SYK: variants seen among roughly 807,000 people sequenced by gnomAD.
The protein encoded by SYK is tyrosine-protein kinase SYK.
A neutral mutation model predicts 77.8 loss-of-function variants in SYK; 16 were observed. The ratio of observed to expected loss-of-function variants is 0.21; its 90% CI spans 0.14 to 0.31. The LOEUF (loss-of-function observed/expected upper bound fraction) is 0.31. Among genes scored for constraint, SYK ranks in the 10% least tolerant of loss-of-function variants. The pLI, the probability that SYK is intolerant of heterozygous loss-of-function variation, is 1.00. For synonymous variants in SYK, 312 were observed against 308.7 expected (o/e 1.01, Z -0.11); for missense variants, 529 against 814.4 (o/e 0.65, Z 4.26).
At chr9:90,881,634 C>T (rs1451756371) in intron 11 of SYK, among the ~76,000 whole-genome samples, 17 of 140,112 alleles carry the variant, frequency 1.2e-4, no homozygotes, top group African/African-American at 3.2e-4. Flanking sequence ...GAGCTGAGAT[C>T]GTGCCACTGC....
Position 90,895,543 on chromosome 9 carries a change from C to T in SYK, c.1851C>T (p.Pro617=), listed in dbSNP as rs202024803. ...LCWTYDVENR[P]GFAAVELRLR... ...TCCATTCCAGTGTGGAAAACAGGCC[C>T]GGATTCGCAGCAGTGGAACTGCGGC... Residue 617 remains proline (P), a synonymous_variant, in exon 14 of 14, where the codon CCC becomes CCT. Transcript: ENST00000375754. The surrounding 1 kb of genome is among the most constrained non-coding windows in gnomAD (Gnocchi z 4.4). The T allele has an allele frequency of 3.9e-5, 63 of 1,614,026 alleles. No homozygotes were observed. Among genetic ancestry groups the T allele is most frequent in the Non-Finnish European group, 5.0e-5 (59 of 1,179,988 alleles).
intron 11 of SYK, among the ~76,000 whole-genome samples, chr9:90,883,640 C>G (rs1212758269): frequency 1.3e-5 from 2 of 152,056 alleles, no homozygotes; most frequent in Non-Finnish European, 2.9e-5. Flanking sequence ...CACCAGGGAG[C>G]CTGAGCACAA....
chr9:90,834,020 G>A (rs184902275), intron 1 of SYK, among the ~76,000 whole-genome samples: 25 of 152,270 alleles, frequency 1.6e-4, no homozygotes, highest in Admixed American at 3.9e-4. Flanking sequence ...ATCTGACTCC[G>A]TTCTAGATTT....
At chr9:90,866,686 T>C (rs1316354453) in intron 6 of SYK, among the ~76,000 whole-genome samples, 1 of 152,076 alleles carries the variant, frequency 6.6e-6, no homozygotes, top group East Asian at 1.9e-4. Flanking sequence ...GTAAGATACA[T>C]ACGGGAAAAA....
chr9:90,821,471 C>G (rs1825511775), intron 1 of SYK, among the ~76,000 whole-genome samples: 1 of 152,118 alleles, frequency 6.6e-6, no homozygotes, highest in Admixed American at 6.5e-5. Context: ...AAAGTGGAAA[C>G]CCCTGATAAA....
At chr9:90,881,071 C>T (rs1828133151) in intron 11 of SYK, among the ~76,000 whole-genome samples, 1 of 152,142 alleles carries the variant, frequency 6.6e-6, no homozygotes. Flanking sequence ...TCCACCTGAT[C>T]CTATTGGTCA....
intron 1 of SYK, among the ~76,000 whole-genome samples, chr9:90,835,235 T>G (rs946746002): frequency 1.3e-5 from 2 of 152,108 alleles, no homozygotes; most frequent in Admixed American, 6.5e-5. Context: ...AATTTGTAAA[T>G]TGAGTGTGGG....
At chr9:90,886,838 C>T (rs1010427149) in intron 11 of SYK, among the ~76,000 whole-genome samples, 3 of 152,180 alleles carry the variant, frequency 2.0e-5, no homozygotes, top group African/African-American at 7.2e-5. Flanking sequence ...ACGTGCTTAT[C>T]ATAGAACTAT....
Position 90,862,359 on chromosome 9 carries a change from C to T in SYK, c.717+15C>T, listed in dbSNP as rs372227462. The T allele has an allele frequency of 1.2e-6, 2 of 1,611,934 alleles. No homozygotes were observed. Among genetic ancestry groups the T allele is most frequent in the African/African-American group, 2.7e-5 (2 of 75,044 alleles). On this transcript the variant is annotated intron_variant, in intron 4 of 13. Coordinates refer to ENST00000375754, the MANE Select transcript of SYK (RefSeq NM_003177.7). Reference sequence around the variant, plus strand: ...CGCTCTGGCAGGTACCCAGCCTCCTCTCCCCACCTTGTGGGTAGAGTACAG... The same window carrying T: ...CGCTCTGGCAGGTACCCAGCCTCCTTTCCCCACCTTGTGGGTAGAGTACAG...
chr9:90,889,649 CTG>C (rs78208359), intron 13 of SYK, among the ~76,000 whole-genome samples: 6,287 of 152,354 alleles, frequency 0.041, 132 homozygotes, highest in African/African-American at 0.047. Context: ...AGCAGGCAAA[CTG>C]TGGGTATATG....
At chr9:90,853,166 C>T (rs534637079) in intron 3 of SYK, among the ~76,000 whole-genome samples, 1 of 150,214 alleles carries the variant, frequency 6.7e-6, no homozygotes, top group South Asian at 2.2e-4. Flanking sequence ...GAATGGTGGC[C>T]ACTACTTGGA....
At position 90,844,252 on chromosome 9, in the gene SYK, G is replaced by A. The variant is rs1257030929; in HGVS notation, c.354G>A (p.Gly118=). ...NRPQGVQPKT[G]PFEDLKENLI... Reference sequence around the variant, plus strand: ...CCCAAGGGGTGCAGCCCAAGACTGGGCCCTTTGAGGATTTGAAGGAAAACC... The same window carrying A: ...CCCAAGGGGTGCAGCCCAAGACTGGACCCTTTGAGGATTTGAAGGAAAACC... The change falls in exon 2 of 14, where the codon GGG becomes GGA. Residue 118 remains glycine (G), a synonymous_variant. Transcript: ENST00000375754. The A allele has an allele frequency of 5.0e-6, 8 of 1,613,920 alleles. No individual in the cohort carries two copies.
rs1392694626 is a variant in SYK, at chr9:90,828,229, A to ACC, written c.-41-15625_-41-15624dup. 2.9e-3 allele frequency among the ~76,000 whole-genome samples: 75 copies of ACC among 25,548 alleles called. 3 individuals are homozygous for ACC. The highest frequency in any genetic ancestry group is 3.7e-3 in the East Asian group (2 of 544). 16.8% of individuals were successfully genotyped at this position (25,548 alleles called of 152,430 possible). A position where few individuals can be genotyped will look rare whatever the true frequency, so the allele number is the denominator to read the frequency against. Reference sequence around the variant, plus strand: ...TGTCATTGCAGTCTGCTGTGGCCTCACCCCCGCCCCCCCCCCCGCCCCGCC... The same window carrying ACC: ...TGTCATTGCAGTCTGCTGTGGCCTCACCCCCCCGCCCCCCCCCCCGCCCCGCC... On this transcript the variant is annotated intron_variant, in intron 1 of 13. Transcript: ENST00000375754.
In SYK at chr9:90,862,315, G is replaced by T; in HGVS notation, c.688G>T (p.Glu230Ter). Residue 230 changes from glutamate (E) to a stop codon, truncating the protein, a stop_gained, in exon 4 of 14, where the codon GAG becomes TAG. Coordinates refer to ENST00000375754, the MANE Select transcript of SYK (RefSeq NM_003177.7). LOFTEE classifies it high-confidence loss of function. ...KDKTGKLSIP[E>*]GKKFDTLWQL... ...CAAGACAGGGAAGCTCTCCATCCCC[G>T]AGGGAAAGAAGTTCGACACGCTCTG... The T allele has an allele frequency of 6.2e-7, 1 of 1,614,046 alleles. No individual in the cohort carries two copies. Among genetic ancestry groups the T allele is most frequent in the Non-Finnish European group, 8.5e-7 (1 of 1,179,928 alleles).
chr9:90,876,278 ACT>A (rs1167074508), intron 9 of SYK, among the ~76,000 whole-genome samples: 1 of 145,812 alleles, frequency 6.9e-6, no homozygotes, highest in Non-Finnish European at 1.5e-5. Context: ...CAAGAGTGAA[ACT>A]CTGCCTCAAA....
chr9:90,853,077 C>T (rs1345668084), intron 3 of SYK, among the ~76,000 whole-genome samples: 3 of 151,664 alleles, frequency 2.0e-5, no homozygotes, highest in Non-Finnish European at 4.4e-5. Flanking sequence ...GTTGCCTTCA[C>T]GAGTGCAACC....
rs1475112279 is a variant in SYK, at chr9:90,895,351, G to C, written c.1836-177G>C. Among the ~76,000 whole-genome samples the C allele has an allele frequency of 3.3e-5, 5 of 152,176 alleles. No individual in the cohort carries two copies. The highest frequency in any genetic ancestry group is 3.3e-4 in the Admixed American group (5 of 15,292). Reference sequence around the variant, plus strand: ...TCTACAGTAGGCCGACACTATTTTTGACAGCCTTGTGGTCACCCTGGGGTG... The same window carrying C: ...TCTACAGTAGGCCGACACTATTTTTCACAGCCTTGTGGTCACCCTGGGGTG... On this transcript the variant is annotated intron_variant, in intron 13 of 13. Coordinates refer to ENST00000375754, the MANE Select transcript of SYK (RefSeq NM_003177.7). This position sits in a 1 kb window ranked among gnomAD's most constrained non-coding sequence, Gnocchi z 4.4.
intron 3 of SYK, among the ~76,000 whole-genome samples, chr9:90,847,171 T>C (rs776749563): frequency 1.3e-5 from 2 of 152,242 alleles, no homozygotes; most frequent in Non-Finnish European, 2.9e-5. Context: ...TCTTGTTTGA[T>C]GAACATGCCT....
rs1828296062 is a variant in SYK at position 90,884,218 on chromosome 9, C to CATACACATACGTGTAT, written c.1582-3528_1582-3527insCACATACGTGTATATA. Among the ~76,000 whole-genome samples the CATACACATACGTGTAT allele has an allele frequency of 1.9e-4, 8 of 42,090 alleles. 1 individual carries two copies. Among genetic ancestry groups the CATACACATACGTGTAT allele is most frequent in the South Asian group, 1.2e-3 (1 of 850 alleles). 27.6% of individuals were successfully genotyped at this position (42,090 alleles called of 152,430 possible). A position where few individuals can be genotyped will look rare whatever the true frequency, so the allele number is the denominator to read the frequency against. ...ATACACATACGTGTATATATACACG[C>CATACACATACGTGTAT]ATATACACATACACATACGTGTATA... On this transcript the variant is annotated intron_variant, in intron 11 of 13. Transcript: ENST00000375754.
Sources: gnomAD v4.1 joint callset for allele counts (sites outside exome capture counted in the v4.1 genomes callset) on GRCh38, gnomAD v4.1.1 for gene constraint, Gnocchi (gnomAD v3.1) non-coding constraint, MANE v1.5 for transcripts, NCBI Gene and HGNC (gene_info 2026-07-23, HGNC 2026-07-21) for gene names.